ARID1A: variants seen among roughly 807,000 people sequenced by gnomAD.
ARID1A encodes AT-rich interactive domain-containing protein 1A.
In ARID1A, 20 loss-of-function variants were observed where a neutral mutation model predicts 212.6. That is an observed-to-expected ratio of 0.09 (90% confidence interval 0.07 to 0.14). ARID1A has a LOEUF of 0.14. Ranked by LOEUF, ARID1A falls within the 10% of genes least tolerant of loss-of-function variation. The pLI is 1.00. For missense variants in ARID1A, 2,587 were observed against 3,059.0 expected (o/e 0.85, Z 3.64); for synonymous variants, 1,376 against 1,222.1 (o/e 1.13, Z -2.63).
At chr1:26,705,931 A>C (rs1052778554) in intron 1 of ARID1A, among the ~76,000 whole-genome samples, 2 of 152,220 alleles carry the variant, frequency 1.3e-5, no homozygotes, top group Admixed American at 6.5e-5. Flanking sequence ...ATGCATTCCA[A>C]CATGCTGCAG....
At chr1:26,730,356 AT>A (rs1416557554) in intron 2 of ARID1A, among the ~76,000 whole-genome samples, 4 of 152,192 alleles carry the variant, frequency 2.6e-5, no homozygotes, top group African/African-American at 9.7e-5. Flanking sequence ...AAATGTTAAG[AT>A]TTCCCCTTAT....
At chr1:26,735,116 ATTT>A (rs35465692) in intron 4 of ARID1A, among the ~76,000 whole-genome samples, 7 of 131,576 alleles carry the variant, frequency 5.3e-5, no homozygotes, top group Non-Finnish European at 6.6e-5. Flanking sequence ...AAAATCCAGA[ATTT>A]TTTTTTTTTT....
intron 1 of ARID1A, among the ~76,000 whole-genome samples, chr1:26,711,071 A>G (rs1470017685): frequency 2.0e-5 from 3 of 150,474 alleles, no homozygotes; most frequent in South Asian, 2.1e-4. Context: ...TTGCCGGTCT[A>G]CCACCCCAAT....
At chr1:26,740,222 T>C (rs1393392505) in intron 4 of ARID1A, among the ~76,000 whole-genome samples, 2 of 152,224 alleles carry the variant, frequency 1.3e-5, no homozygotes, top group Admixed American at 6.5e-5. Context: ...AGGGTTGAAC[T>C]TGTGTGACTT....
In ARID1A at chr1:26,773,772, C is replaced by G. The variant is rs565180006; in HGVS notation, c.4005-30C>G. The G allele has an allele frequency of 7.4e-6, 12 of 1,614,060 alleles. No individual in the cohort carries two copies. In the Admixed American group the frequency reaches 2.0e-4, roughly 27 times the overall value. ...TGGATCAGGCTTCGCCACTGCCCAC[C>G]CTAATCCTGTGTTTCTTTGCCTCCT... On this transcript the variant is annotated intron_variant, in intron 16 of 19. Transcript: ENST00000324856.
In ARID1A at chr1:26,731,421, G is replaced by A. The variant is rs375652787; in HGVS notation, c.1620G>A (p.Thr540=). Residue 540 remains threonine, a synonymous_variant, in exon 3 of 20, where the codon ACG becomes ACA. Transcript: ENST00000324856. ...CTCCATACCCCTCCCAGCAGTCGAC[G>A]ACACAGCAGCACCCCCAGAGCCAGC... ...SPAPYPSQQS[T]TQQHPQSQPP... is the part of the protein sequence containing the mutation. The A allele has an allele frequency of 9.3e-6, 15 of 1,613,494 alleles. No homozygotes were observed. Among genetic ancestry groups the A allele is most frequent in the Non-Finnish European group, 1.2e-5 (14 of 1,179,924 alleles).
At chr1:26,720,435 T>A (rs1467503758) in intron 1 of ARID1A, among the ~76,000 whole-genome samples, 1 of 149,866 alleles carries the variant, frequency 6.7e-6, no homozygotes, top group Non-Finnish European at 1.5e-5. Context: ...ATGGCGTCAT[T>A]GCACTCCAGC....
At chr1:26,697,650 T>G in intron 1 of ARID1A, 110 bp downstream of exon 1, 1 of 1,074,774 alleles carries the variant, frequency 9.3e-7, no homozygotes, top group Non-Finnish European at 1.2e-6. Flanking sequence ...GGGCCCCCAC[T>G]GCTGGGGAGC....
Position 26,761,132 on chromosome 1 carries a change from G to A in ARID1A, c.2161+36G>A, listed in dbSNP as rs994711886. 6.2e-6 allele frequency: 10 copies of A among 1,606,866 alleles called. No homozygotes were observed. In the Admixed American group the frequency reaches 6.7e-5, roughly 11 times the overall value. ...GTGCTGGGCTTTAGGGAGAGGGAAA[G>A]GTGACTGCCCCCAGTAATATTAAGG... On this transcript the variant is annotated intron_variant, in intron 5 of 19. Transcript: ENST00000324856.
In ARID1A at chr1:26,696,246, G is replaced by C; in HGVS notation, c.-158G>C. On this transcript the variant is annotated 5_prime_UTR_variant, in exon 1 of 20. Transcript: ENST00000324856. ...CCGGAGCCTGAGCCGGCGGGGCGGGGGGGAGAGGAGCGAGCGCAGCGCAGC... is the reference window on the plus strand; with the variant it reads ...CCGGAGCCTGAGCCGGCGGGGCGGGCGGGAGAGGAGCGAGCGCAGCGCAGC... The C allele has an allele frequency of 5.5e-6, 5 of 903,302 alleles. No individual in the cohort carries two copies. Among genetic ancestry groups the C allele is most frequent in the Non-Finnish European group, 5.7e-6 (4 of 707,942 alleles). 56.0% of individuals were successfully genotyped at this position (903,302 alleles called of 1,614,324 possible).
At chr1:26,757,294 C>T (rs1386501621) in intron 4 of ARID1A, among the ~76,000 whole-genome samples, 2 of 147,700 alleles carry the variant, frequency 1.4e-5, no homozygotes, top group Non-Finnish European at 3.0e-5. Context: ...GGTGAAACCC[C>T]GTCTCTACTA....
rs188701883 is a variant in ARID1A at position 26,729,574 on chromosome 1, C to T, written c.1138-77C>T. On this transcript the variant is annotated intron_variant, in intron 1 of 19. Coordinates refer to ENST00000324856, the MANE Select transcript of ARID1A (RefSeq NM_006015.6). ...CTTTATAGCATACAGACTAAAAAAA[C>T]CTGTGTACTTGGGTTATATATTCAG... 7 of 1,519,188 alleles carry T rather than the reference C, an allele frequency of 4.6e-6. No individual in the cohort carries two copies. In the Admixed American group the frequency reaches 1.2e-4, roughly 26 times the overall value. 94.1% of individuals were successfully genotyped at this position (1,519,188 alleles called of 1,614,324 possible). A position where few individuals can be genotyped will look rare whatever the true frequency, so the allele number is the denominator to read the frequency against.
intron 1 of ARID1A, among the ~76,000 whole-genome samples, chr1:26,698,956 T>C (rs566673174): frequency 3.2e-4 from 48 of 152,358 alleles, no homozygotes; most frequent in African/African-American, 9.6e-4. Flanking sequence ...GTTAACACTT[T>C]CTTTTGTTAA....
At chr1:26,708,346 G>A (rs1220246306) in intron 1 of ARID1A, among the ~76,000 whole-genome samples, 2 of 134,704 alleles carry the variant, frequency 1.5e-5, no homozygotes, top group African/African-American at 2.9e-5. Context: ...TTGCAGTGGC[G>A]TGATCTCGGC....
intron 8 of ARID1A, among the ~76,000 whole-genome samples, chr1:26,763,955 A>T (rs980923123): frequency 2.6e-5 from 4 of 151,536 alleles, no homozygotes; most frequent in African/African-American, 9.7e-5. Context: ...CACCCAGCTA[A>T]TTTTTTTTAT....
chr1:26,713,507 C>T (rs1258428572), intron 1 of ARID1A, among the ~76,000 whole-genome samples: 10 of 151,896 alleles, frequency 6.6e-5, no homozygotes, highest in Non-Finnish European at 1.5e-4. Flanking sequence ...TACAGGCGCC[C>T]ACCACCACAC....
intron 4 of ARID1A, among the ~76,000 whole-genome samples, chr1:26,758,205 A>G (rs1343816926): frequency 6.6e-6 from 1 of 152,124 alleles, no homozygotes. Context: ...CTTTCTACTT[A>G]CAGTGGCTCT....
Position 26,729,823 on chromosome 1 carries a change from G to A in ARID1A, c.1310G>A (p.Arg437Gln), listed in dbSNP as rs930949835. The A allele has an allele frequency of 7.4e-6, 12 of 1,614,084 alleles. No homozygotes were observed. The highest frequency in any genetic ancestry group is 9.3e-6 in the Non-Finnish European group (11 of 1,180,044). ...CGGTACCCGATGACCATGCAGGGCC[G>A]GGCGCAGAGTGCCATGGGCGGCCTC... ...PQRYPMTMQG[R>Q]AQSAMGGLSY... is the part of the protein sequence containing the mutation. Residue 437 changes from arginine (R) to glutamine (Q), a missense_variant, in exon 2 of 20, where the codon CGG becomes CAG. Physicochemically the swap from Arg to Gln is conservative, Grantham distance 43 (BLOSUM62 1). Transcript: ENST00000324856.
At chr1:26,702,580 T>C (rs1009702068) in intron 1 of ARID1A, among the ~76,000 whole-genome samples, 1 of 152,196 alleles carries the variant, frequency 6.6e-6, no homozygotes, top group Non-Finnish European at 1.5e-5. Flanking sequence ...TGTAAACTGT[T>C]CTATAGAATG....
Sources: allele counts gnomAD v4.1 joint callset (sites outside exome capture counted in the v4.1 genomes callset), GRCh38; gene constraint gnomAD v4.1.1; transcripts MANE v1.5; gene names NCBI Gene and HGNC (gene_info 2026-07-23, HGNC 2026-07-21).